PCDH11X: variants seen among roughly 807,000 people sequenced by gnomAD.
PCDH11X encodes protocadherin-11 X-linked.
A neutral mutation model predicts 53.3 loss-of-function variants in PCDH11X; 18 were observed. That is an observed-to-expected ratio of 0.34 (90% CI 0.23 to 0.50). PCDH11X has a LOEUF of 0.50. Among genes scored for constraint, PCDH11X ranks in the 20% least tolerant of loss-of-function variants. The pLI, the probability that PCDH11X is intolerant of heterozygous loss-of-function variation, is 0.98. For synonymous variants in PCDH11X, 279 were observed against 393.3 expected (o/e 0.71, Z 3.44); for missense variants, 570 against 1,032.4 (o/e 0.55, Z 6.14).
intron 6 of PCDH11X, among the ~76,000 whole-genome samples, chrX:92,105,508 G>A (rs2064360702): frequency 9.1e-6 from 1 of 110,195 alleles, no homozygotes; most frequent in South Asian, 3.9e-4. Flanking sequence ...TTTCACCTGG[G>A]TGCAGGCGGG....
At chrX:92,081,731 C>CACAT (rs1556015270) in intron 6 of PCDH11X, among the ~76,000 whole-genome samples, 4 of 110,367 alleles carry the variant, frequency 3.6e-5, no homozygotes, top group Non-Finnish European at 7.6e-5. Context: ...CACACACACA[C>CACAT]ACACACATAC....
rs182828185 is a variant in PCDH11X, at chrX:91,903,208, C to T, written c.3033+23935C>T. ...CCTGTATCCTATTTTAAGTTCTTTT[C>T]GTGTTTTATGTGGACAACTGAGATA... On this transcript the variant is annotated intron_variant, in intron 6 of 10. Transcript: ENST00000682573. Among the ~76,000 whole-genome samples, 380 of 111,192 alleles carry T rather than the reference C, an allele frequency of 3.4e-3. 1 individual carries two copies. Among genetic ancestry groups the T allele is most frequent in the African/African-American group, 0.012 (359 of 30,608 alleles).
intron 6 of PCDH11X, among the ~76,000 whole-genome samples, chrX:92,119,241 G>A (rs921323846): frequency 4.6e-5 from 5 of 109,641 alleles, no homozygotes; most frequent in Admixed American, 3.0e-4. Flanking sequence ...GAGTAGCTGG[G>A]ACTACAGGGA....
intron 10 of PCDH11X, among the ~76,000 whole-genome samples, chrX:92,548,624 CTGCAA>C (rs199637521): frequency 0.2 from 21,569 of 109,691 alleles, 2,154 homozygotes; most frequent in Non-Finnish European, 0.3. Context: ...AATTTCAATA[CTGCAA>C]TGCCAAGCTT....
intron 6 of PCDH11X, among the ~76,000 whole-genome samples, chrX:92,035,488 G>T (rs2063114617): frequency 1.0e-5 from 1 of 99,139 alleles, no homozygotes; most frequent in Non-Finnish European, 2.0e-5. Flanking sequence ...GTAAGGTTTC[G>T]ACTGAAAAGT....
chrX:92,114,823 CATTTATTT>C (rs200665364), intron 6 of PCDH11X, among the ~76,000 whole-genome samples: 2 of 108,928 alleles, frequency 1.8e-5, no homozygotes, highest in African/African-American at 6.7e-5. Context: ...CTGTCCTTTC[CATTTATTT>C]ATTTATTTAT....
chrX:92,430,569 T>C (rs1158329670), intron 9 of PCDH11X, among the ~76,000 whole-genome samples: 1 of 94,685 alleles, frequency 1.1e-5, no homozygotes, highest in East Asian at 2.9e-4. Context: ...CTGACAATAA[T>C]TTGCAACCTC....
chrX:92,612,448 CT>C (rs1927495171), intron 10 of PCDH11X, among the ~76,000 whole-genome samples: 1 of 111,100 alleles, frequency 9.0e-6, no homozygotes, highest in Admixed American at 9.6e-5. Flanking sequence ...GCAATGCCAC[CT>C]TTGTCTATTG....
intron 9 of PCDH11X, among the ~76,000 whole-genome samples, chrX:92,398,464 G>A (rs887365928): frequency 9.0e-6 from 1 of 111,669 alleles, no homozygotes; most frequent in African/African-American, 3.3e-5. Context: ...CAGAGACCTT[G>A]TTTTCAAAAG....
At chrX:92,535,233 G>A (rs1241289802) in intron 10 of PCDH11X, among the ~76,000 whole-genome samples, 1 of 111,681 alleles carries the variant, frequency 9.0e-6, no homozygotes, top group Admixed American at 9.5e-5. Flanking sequence ...GTATATTCAT[G>A]GCAGCATTAT....
chrX:92,245,749 G>A (rs1304229101), intron 7 of PCDH11X, among the ~76,000 whole-genome samples: 1 of 111,777 alleles, frequency 8.9e-6, no homozygotes, highest in Non-Finnish European at 1.9e-5. Context: ...TTAAACCTTG[G>A]CCTTTTGTCC....
intron 6 of PCDH11X, among the ~76,000 whole-genome samples, chrX:91,907,406 C>CAGAGAGAGAG (rs1200633473): frequency 8.0e-5 from 5 of 62,394 alleles, no homozygotes; most frequent in African/African-American, 3.5e-4. Flanking sequence ...CACACACACA[C>CAGAGAGAGAG]ACACACAGAG....
At chrX:92,552,905 C>A (rs1167620667) in intron 10 of PCDH11X, among the ~76,000 whole-genome samples, 7 of 108,175 alleles carry the variant, frequency 6.5e-5, no homozygotes, top group Non-Finnish European at 1.3e-4. Context: ...AATGAATAAT[C>A]TTTCTATTGT....
intron 6 of PCDH11X, among the ~76,000 whole-genome samples, chrX:91,899,456 C>A (rs905603770): frequency 2.7e-5 from 3 of 110,987 alleles, no homozygotes; most frequent in African/African-American, 9.8e-5. Context: ...CCTTTGCCAA[C>A]ACCCTCACAG....
chrX:91,976,902 G>A (rs1459996111), intron 6 of PCDH11X, among the ~76,000 whole-genome samples: 1 of 111,574 alleles, frequency 9.0e-6, no homozygotes, highest in African/African-American at 3.3e-5. Flanking sequence ...TTTGTGATCA[G>A]GTTAGCTTAA....
chrX:91,894,946 C>A (rs71216381), intron 6 of PCDH11X, among the ~76,000 whole-genome samples: 13 of 110,576 alleles, frequency 1.2e-4, no homozygotes, highest in Non-Finnish European at 7.6e-5. Flanking sequence ...GTAGTTCAGA[C>A]CTTCTCATCC....
chrX:92,606,430 T>C (rs1569509893), intron 10 of PCDH11X, among the ~76,000 whole-genome samples: 2 of 107,382 alleles, frequency 1.9e-5, no homozygotes, highest in Non-Finnish European at 1.9e-5. Context: ...AAATAATAAA[T>C]AGTCTTTCCA....
At chrX:92,185,182 G>C (rs2066069321) in intron 6 of PCDH11X, among the ~76,000 whole-genome samples, 1 of 110,808 alleles carries the variant, frequency 9.0e-6, no homozygotes, top group Non-Finnish European at 1.9e-5. Context: ...AGGGTTCGAG[G>C]CTGCAGTGAG....
chrX:91,839,496 C>T (rs1937433546), intron 5 of PCDH11X, among the ~76,000 whole-genome samples: 1 of 106,076 alleles, frequency 9.4e-6, no homozygotes, highest in African/African-American at 3.4e-5. Flanking sequence ...AGCATGGTGG[C>T]GGGAGGCTGA....
Sources: gnomAD v4.1 joint callset for allele counts (sites outside exome capture counted in the v4.1 genomes callset) on GRCh38, gnomAD v4.1.1 for gene constraint, MANE v1.5 for transcripts, NCBI Gene and HGNC (gene_info 2026-07-23, HGNC 2026-07-21) for gene names.